SBNO1: variants seen among roughly 807,000 people sequenced by gnomAD.
SBNO1 encodes the protein protein strawberry notch homolog 1.
SBNO1 carries 23 observed loss-of-function variants against 173.6 expected under a neutral mutation model. The ratio of observed to expected loss-of-function variants is 0.13; its 90% CI spans 0.10 to 0.19. The LOEUF is 0.19. SBNO1 is among the 10% of genes least tolerant of loss of function. The pLI is 1.00. For synonymous variants in SBNO1, 632 were observed against 571.5 expected, an observed-to-expected ratio of 1.11 and a Z score of -1.51; for missense variants, 1,238 against 1,671.2, an observed-to-expected ratio of 0.74 and a Z score of 4.52.
chr12:123,338,092 T>C (rs6488871), intron 5 of SBNO1, among the ~76,000 whole-genome samples: 145,022 of 152,264 alleles, frequency 0.95, 69,192 homozygotes, highest in Non-Finnish European at 0.96. Context: ...TTGCCCAACA[T>C]ACCATGTAGA....
At chr12:123,340,692 T>C (rs192042091) in intron 5 of SBNO1, among the ~76,000 whole-genome samples, 1 of 151,946 alleles carries the variant, frequency 6.6e-6, no homozygotes, top group Admixed American at 6.6e-5. Flanking sequence ...AACACAGTTA[T>C]CAAATACTTT....
At chr12:123,358,321 T>C (rs1258238606) in intron 1 of SBNO1, among the ~76,000 whole-genome samples, 1 of 152,346 alleles carries the variant, frequency 6.6e-6, no homozygotes, top group Admixed American at 6.5e-5. Context: ...TTTTGAACAT[T>C]TCAGATTTTG....
At chr12:123,359,737 G>A (rs1319793827) in intron 1 of SBNO1, among the ~76,000 whole-genome samples, 1 of 152,128 alleles carries the variant, frequency 6.6e-6, no homozygotes, top group Non-Finnish European at 1.5e-5. Context: ...ATTCATAAAA[G>A]AGAATTCCTG....
At chr12:123,320,278 C>A (rs1297736999) in intron 19 of SBNO1, among the ~76,000 whole-genome samples, 154 bp downstream of exon 19, 3 of 152,148 alleles carry the variant, frequency 2.0e-5, no homozygotes, top group African/African-American at 7.2e-5. Flanking sequence ...ATACTGCAGG[C>A]AGCAGTTCAT....
At chr12:123,321,399 C>A in intron 17 of SBNO1, 136 bp downstream of exon 17, 2 of 680,610 alleles carry the variant, frequency 2.9e-6, no homozygotes, top group East Asian at 2.7e-5. Flanking sequence ...GGTAGATAAG[C>A]CTGGAGCTTT....
Position 123,326,328 on chromosome 12 carries a change from T to C in SBNO1, c.1699A>G (p.Ile567Val), listed in dbSNP as rs776540160. 2.3e-5 allele frequency: 37 copies of C among 1,591,798 alleles called. No individual in the cohort carries two copies. The highest frequency in any genetic ancestry group is 3.1e-5 in the Non-Finnish European group (36 of 1,168,926). Reference protein sequence around the residue: ...MYNKAVKLWVIARERFQQAAD... With the variant: ...MYNKAVKLWVVARERFQQAAD... ...GCTTGCTGAAACCGCTCTCTGGCGATGACCCACTGAAGATACATAATCAAC... is the reference window on the plus strand; with the variant it reads ...GCTTGCTGAAACCGCTCTCTGGCGACGACCCACTGAAGATACATAATCAAC... The change falls in exon 14 of 32, where the codon ATC (isoleucine) becomes GTC (valine). Residue 567 changes from isoleucine (I) to valine (V), a missense_variant. By Grantham distance (29) the Ile-to-Val change is conservative. Transcript: ENST00000602398.
chr12:123,317,228 T>C lies in SBNO1; in HGVS notation c.2928A>G (p.Gln976=), dbSNP rs116242042. The change falls in exon 21 of 32, where the codon CAA becomes CAG. Residue 976 remains glutamine, a synonymous_variant. Coordinates refer to ENST00000602398, the MANE Select transcript of SBNO1 (RefSeq NM_001167856.3). ...CAGTTTGTAGGAACTTACCGAACTG[T>C]TGAATTGCTCTATCAGCGCTCCAAG... ...ELPWSADRAI[Q]QFGRTHRSNQ... is the part of the protein sequence containing the mutation. The C allele has an allele frequency of 4.3e-6, 7 of 1,613,980 alleles. No individual in the cohort carries two copies. Among genetic ancestry groups the C allele is most frequent in the Admixed American group, 1.7e-5 (1 of 59,956 alleles).
intron 6 of SBNO1, 111 bp downstream of exon 6, chr12:123,336,284 T>A (rs1323490453): frequency 1.3e-6 from 1 of 743,000 alleles, no homozygotes; most frequent in African/African-American, 1.8e-5. Context: ...TTTAAAAGAC[T>A]TTGACCTAAA....
intron 21 of SBNO1, among the ~76,000 whole-genome samples, chr12:123,316,397 T>C (rs1869272886): frequency 6.6e-6 from 1 of 151,838 alleles, no homozygotes; most frequent in Non-Finnish European, 1.5e-5. Flanking sequence ...GCTAATTTTG[T>C]ATTTTTAGTA....
intron 31 of SBNO1, 103 bp from the exon 32 acceptor site, chr12:123,296,153 C>A: frequency 1.2e-4 from 75 of 647,386 alleles, no homozygotes; most frequent in Non-Finnish European, 1.3e-4. Context: ...GCGTAATGGA[C>A]AAGAAGTTCA....
chr12:123,326,406 A>G, intron 13 of SBNO1, 72 bp from the exon 14 acceptor site: 6 of 985,846 alleles, frequency 6.1e-6, no homozygotes, highest in Non-Finnish European at 8.7e-6. Flanking sequence ...CAATTAAATC[A>G]AAACAATGTT....
At chr12:123,298,306 G>T in intron 30 of SBNO1, 135 bp from the exon 31 acceptor site, 1 of 891,006 alleles carries the variant, frequency 1.1e-6, no homozygotes, top group Non-Finnish European at 1.7e-6. Context: ...TGCTCTTGTT[G>T]CCCAGACTGG....
chr12:123,362,360 C>T (rs1875382723), intron 1 of SBNO1, among the ~76,000 whole-genome samples: 1 of 129,954 alleles, frequency 7.7e-6, no homozygotes, highest in African/African-American at 3.0e-5. Context: ...GGCGTGAACC[C>T]GGGAGGCGGA....
Position 123,292,020 on chromosome 12 carries a change from C to CT in SBNO1, c.*3887_*3888insA, listed in dbSNP as rs2048519682. ...ATCAGACAACTGGCATTCAATGAGA[C>CT]ATTTTTTTTTTTTTTTGCAGTTTTT... On this transcript the variant is annotated 3_prime_UTR_variant, in exon 32 of 32. Coordinates refer to ENST00000602398, the MANE Select transcript of SBNO1 (RefSeq NM_001167856.3). 19 of 85,466 alleles carry CT rather than the reference C, an allele frequency of 2.2e-4. No individual in the cohort carries two copies. The highest frequency in any genetic ancestry group is 5.2e-3 in the Middle Eastern group (1 of 192). The allele number at this position is 85,466 out of a possible 1,614,324, so 5.3% of individuals were successfully genotyped here.
chr12:123,298,567 TAAAC>T, intron 30 of SBNO1, among the ~76,000 whole-genome samples: 1 of 152,336 alleles, frequency 6.6e-6, no homozygotes, highest in South Asian at 2.1e-4. Flanking sequence ...AAATTTCAAA[TAAAC>T]AATGTTTCAG....
intron 1 of SBNO1, 179 bp downstream of exon 1, chr12:123,364,522 G>T: frequency 1.0e-6 from 1 of 983,680 alleles, no homozygotes; most frequent in Non-Finnish European, 1.2e-6. Context: ...TCGGGAACAT[G>T]CCCCCGAGGG....
Position 123,309,847 on chromosome 12 carries a change from T to C in SBNO1, c.3305A>G (p.Asn1102Ser). 1 of 1,595,200 alleles carries C rather than the reference T, an allele frequency of 6.3e-7. No homozygotes were observed. The highest frequency in any genetic ancestry group is 1.1e-5 in the South Asian group (1 of 87,166). ...AATTCTATTTAAGAATTTTCCTATG[T>C]TGTTATAATCTGTAATGACAAAAGA... is the stretch of plus-strand genomic sequence containing the variant. Reference protein sequence around the residue: ...GILTLDKDYNNIGKFLNRILG... With the variant: ...GILTLDKDYNSIGKFLNRILG... The change falls in exon 26 of 32, where the codon AAC becomes AGC. Residue 1102 changes from asparagine to serine, a missense_variant. This residue lies in a region of SBNO1 where 351 missense variants were observed against 420.3 expected (regional missense o/e 0.84). Transcript: ENST00000602398.
chr12:123,312,252 T>C (rs1278500482), intron 24 of SBNO1, among the ~76,000 whole-genome samples: 1 of 152,118 alleles, frequency 6.6e-6, no homozygotes, highest in Non-Finnish European at 1.5e-5. Context: ...GGGAGTTGTT[T>C]CTGACACTCC....
chr12:123,313,252 ATAAT>A (rs201559021), intron 24 of SBNO1, among the ~76,000 whole-genome samples: 2 of 143,868 alleles, frequency 1.4e-5, no homozygotes, highest in African/African-American at 5.2e-5. Context: ...AAATAAATAA[ATAAT>A]TTTTAAAAAA....
Sources: allele counts gnomAD v4.1 joint callset (sites outside exome capture counted in the v4.1 genomes callset), GRCh38; gene constraint gnomAD v4.1.1; regional missense constraint gnomAD v4.1.1; transcripts MANE v1.5; gene names NCBI Gene and HGNC (gene_info 2026-07-23, HGNC 2026-07-21).